The following KAT2B variants were observed in gnomAD, a reference collection of about 807,000 sequenced individuals.
The protein encoded by KAT2B is lysine acetyltransferase 2B, also known as histone acetyltransferase KAT2B.
A neutral mutation model predicts 105.9 loss-of-function variants in KAT2B; 36 were observed. The observed-to-expected ratio is 0.34, with a 90% confidence interval of 0.26 to 0.45. The LOEUF (loss-of-function observed/expected upper bound fraction) is 0.45, where lower values mean the gene tolerates loss of function less well. KAT2B is among the 20% of genes least tolerant of loss of function. KAT2B has a pLI of 1.00. For missense variants in KAT2B, 820 were observed against 1,021.6 expected (o/e 0.80, Z 2.69); for synonymous variants, 397 against 377.9 (o/e 1.05, Z -0.59).
chr3:20,148,588 T>C (rs1699817085), intron 17 of KAT2B, 101 bp downstream of exon 17: 3 of 848,608 alleles, frequency 3.5e-6, no homozygotes, highest in Non-Finnish European at 5.6e-6. Context: ...CTGCTTAGGG[T>C]AGGAAGTGTA....
At chr3:20,062,715 G>A (rs1698159322) in intron 1 of KAT2B, among the ~76,000 whole-genome samples, 1 of 151,822 alleles carries the variant, frequency 6.6e-6, no homozygotes, top group African/African-American at 2.4e-5. Flanking sequence ...ACCTGCCTCA[G>A]CCTCTCAAAG....
rs751808253 is a variant in KAT2B, at chr3:20,148,010, C to G, written c.2156+11C>G. ...TGGAAAAGAGAAAAGGTAAGTATGA[C>G]GGGCAAGAGGATGTTAATGGAAGTG... On this transcript the variant is annotated intron_variant, in intron 15 of 17. Transcript: ENST00000263754. The G allele has an allele frequency of 1.2e-6, 2 of 1,611,748 alleles. No homozygotes were observed. The highest frequency in any genetic ancestry group is 1.7e-6 in the Non-Finnish European group (2 of 1,178,642).
chr3:20,058,948 T>C (rs1000134450), intron 1 of KAT2B, among the ~76,000 whole-genome samples: 11 of 152,132 alleles, frequency 7.2e-5, no homozygotes, highest in African/African-American at 2.7e-4. Context: ...ACCCACTGAA[T>C]CTTAATCTTC....
intron 9 of KAT2B, among the ~76,000 whole-genome samples, chr3:20,123,849 AT>A: frequency 6.6e-6 from 1 of 152,268 alleles, no homozygotes; most frequent in Admixed American, 6.5e-5. Context: ...CAAGTAAGGC[AT>A]TTTTGGTAAA....
intron 1 of KAT2B, among the ~76,000 whole-genome samples, chr3:20,053,417 C>G (rs1186414366): frequency 6.6e-6 from 1 of 152,140 alleles, no homozygotes; most frequent in Non-Finnish European, 1.5e-5. Flanking sequence ...TGTCTGTAGT[C>G]CTAGCTACTC....
chr3:20,085,374 C>T (rs1183620201), intron 2 of KAT2B, among the ~76,000 whole-genome samples: 1 of 152,098 alleles, frequency 6.6e-6, no homozygotes, highest in African/African-American at 2.4e-5. Context: ...AAATGTTCTA[C>T]CTAAGATGAA....
At chr3:20,130,355 GT>G (rs1269657929) in intron 11 of KAT2B, among the ~76,000 whole-genome samples, 2 of 152,170 alleles carry the variant, frequency 1.3e-5, no homozygotes, top group East Asian at 3.8e-4. Context: ...TCTTTAGATG[GT>G]GCTGTTGCTG....
intron 14 of KAT2B, among the ~76,000 whole-genome samples, chr3:20,146,989 T>A (rs1699792878): frequency 6.6e-6 from 1 of 152,206 alleles, no homozygotes; most frequent in Admixed American, 6.5e-5. Context: ...ATTCCCTATT[T>A]TACAGTAGTT....
chr3:20,053,116 T>G (rs1007971782), intron 1 of KAT2B, among the ~76,000 whole-genome samples: 4 of 152,228 alleles, frequency 2.6e-5, no homozygotes, highest in Non-Finnish European at 5.9e-5. Context: ...CATGGCAGAC[T>G]TGATGACAAG....
chr3:20,149,893 T>A (rs189006059), intron 17 of KAT2B, among the ~76,000 whole-genome samples: 1 of 152,368 alleles, frequency 6.6e-6, no homozygotes, highest in East Asian at 1.9e-4. Context: ...ATCCTCTTCC[T>A]CTGGACCATC....
intron 2 of KAT2B, among the ~76,000 whole-genome samples, chr3:20,087,785 T>G (rs1471459417): frequency 1.3e-5 from 2 of 152,104 alleles, no homozygotes; most frequent in Non-Finnish European, 2.9e-5. Flanking sequence ...CTTATTTCAC[T>G]TAGCCTTAAG....
At chr3:20,077,014 T>C (rs1463832974) in intron 2 of KAT2B, among the ~76,000 whole-genome samples, 1 of 152,244 alleles carries the variant, frequency 6.6e-6, no homozygotes, top group East Asian at 1.9e-4. Flanking sequence ...CTCAGCCATA[T>C]ATGTTCTTTG....
At chr3:20,056,202 G>A (rs569908406) in intron 1 of KAT2B, among the ~76,000 whole-genome samples, 1 of 152,282 alleles carries the variant, frequency 6.6e-6, no homozygotes, top group South Asian at 2.1e-4. Context: ...CTTGGGCTAG[G>A]GTAGCAGGAA....
intron 2 of KAT2B, among the ~76,000 whole-genome samples, chr3:20,081,477 G>A (rs1698518073): frequency 6.6e-6 from 1 of 152,158 alleles, no homozygotes; most frequent in African/African-American, 2.4e-5. Flanking sequence ...GAGGTGCCAA[G>A]GTATACCCTT....
In KAT2B at chr3:20,146,438, T is replaced by C. The variant is rs1471402923; in HGVS notation, c.2119+8T>C. 1.3e-6 allele frequency: 2 copies of C among 1,524,256 alleles called. No individual in the cohort carries two copies. The highest frequency in any genetic ancestry group is 1.8e-6 in the Non-Finnish European group (2 of 1,111,784). The allele number at this position is 1,524,256 out of a possible 1,614,324, so 94.4% of individuals were successfully genotyped here. On this transcript the variant is annotated splice_region_variant and intron_variant, in intron 14 of 17. Transcript: ENST00000263754. Reference sequence around the variant, plus strand: ...AAAGCATTCCTGGAATTAGTACGTATAGACCTTCTTTTAAAAGCGAAATTT... The same window carrying C: ...AAAGCATTCCTGGAATTAGTACGTACAGACCTTCTTTTAAAAGCGAAATTT...
intron 11 of KAT2B, among the ~76,000 whole-genome samples, chr3:20,132,297 C>T (rs1699524778): frequency 6.6e-6 from 1 of 152,146 alleles, no homozygotes; most frequent in Non-Finnish European, 1.5e-5. Flanking sequence ...CACTTGAACC[C>T]AGGAAGTGGA....
At chr3:20,055,663 GGT>G (rs1163404280) in intron 1 of KAT2B, among the ~76,000 whole-genome samples, 1 of 152,048 alleles carries the variant, frequency 6.6e-6, no homozygotes, top group African/African-American at 2.4e-5. Flanking sequence ...TAGGAGATTA[GGT>G]GGAAGGGATA....
intron 2 of KAT2B, among the ~76,000 whole-genome samples, chr3:20,074,092 GA>G (rs60601452): frequency 1.9e-4 from 28 of 149,590 alleles, no homozygotes; most frequent in Non-Finnish European, 3.4e-4. Flanking sequence ...AATGAAGAAT[GA>G]AAAAAAAAAT....
chr3:20,059,521 C>T (rs1051088163), intron 1 of KAT2B, among the ~76,000 whole-genome samples: 1 of 148,776 alleles, frequency 6.7e-6, no homozygotes, highest in Non-Finnish European at 1.5e-5. Flanking sequence ...ATCGAGACCA[C>T]GGTGAAACCC....
Sources: allele counts gnomAD v4.1 joint callset (sites outside exome capture counted in the v4.1 genomes callset), GRCh38; gene constraint gnomAD v4.1.1; transcripts MANE v1.5; gene names NCBI Gene and HGNC (gene_info 2026-07-23, HGNC 2026-07-21).